Variants in UBE2E2 observed in about 807,000 individuals in gnomAD.
UBE2E2 encodes the protein ubiquitin conjugating enzyme E2 E2, also known as ubiquitin-conjugating enzyme E2 E2.
In UBE2E2, 6 loss-of-function variants were observed where a neutral mutation model predicts 24.7. The ratio of observed to expected loss-of-function variants is 0.24; its 90% CI spans 0.13 to 0.48. The LOEUF (loss-of-function observed/expected upper bound fraction) is 0.48. Ranked by LOEUF, UBE2E2 falls within the 20% of genes least tolerant of loss-of-function variation. The pLI is 0.99. For missense variants in UBE2E2, 169 were observed against 245.0 expected (o/e 0.69, Z 2.07); for synonymous variants, 104 against 83.6 (o/e 1.24, Z -1.33).
intron 3 of UBE2E2, among the ~76,000 whole-genome samples, chr3:23,436,946 G>A (rs910513577): frequency 6.6e-6 from 1 of 152,178 alleles, no homozygotes; most frequent in African/African-American, 2.4e-5. Context: ...AAAAATAATA[G>A]CTGGTTTCTG....
At chr3:23,231,769 G>C (rs1011925056) in intron 3 of UBE2E2, among the ~76,000 whole-genome samples, 2 of 152,150 alleles carry the variant, frequency 1.3e-5, no homozygotes, top group Non-Finnish European at 2.9e-5. Flanking sequence ...TGATTAACTA[G>C]AGTGCTCACA....
chr3:23,375,254 C>T (rs1696492747), intron 3 of UBE2E2, among the ~76,000 whole-genome samples: 1 of 152,088 alleles, frequency 6.6e-6, no homozygotes, highest in African/African-American at 2.4e-5. Flanking sequence ...TTATAATTGA[C>T]CCATGGGAAT....
At chr3:23,210,553 G>A (rs191559383) in intron 2 of UBE2E2, among the ~76,000 whole-genome samples, 11 of 152,296 alleles carry the variant, frequency 7.2e-5, no homozygotes. Flanking sequence ...TTTTACTACA[G>A]TATATAGAGA....
chr3:23,228,862 A>G (rs965320787), intron 3 of UBE2E2, among the ~76,000 whole-genome samples: 1 of 152,216 alleles, frequency 6.6e-6, no homozygotes, highest in African/African-American at 2.4e-5. Flanking sequence ...CACAGCAGGT[A>G]GACTCTCTCC....
chr3:23,297,008 G>C (rs1698929621), intron 3 of UBE2E2, among the ~76,000 whole-genome samples: 2 of 152,268 alleles, frequency 1.3e-5, no homozygotes, highest in South Asian at 4.1e-4. Context: ...ATTCTAACTG[G>C]TGTGAGATGG....
chr3:23,332,677 GTGTGTGTGTGTGTGTGT>G lies in UBE2E2; in HGVS notation c.227+115366_227+115382del, dbSNP rs1559350735. Among the ~76,000 whole-genome samples, 241 of 26,752 alleles carry G rather than the reference GTGTGTGTGTGTGTGTGT, an allele frequency of 9.0e-3. 1 individual carries two copies. Among genetic ancestry groups the G allele is most frequent in the African/African-American group, 0.014 (227 of 15,714 alleles). 17.6% of individuals were successfully genotyped at this position (26,752 alleles called of 152,430 possible). A position where few individuals can be genotyped will look rare whatever the true frequency, so the allele number is the denominator to read the frequency against. ...TGAGCTTCCTGGCAGCCAGTGGGGTGTGTGTGTGTGTGTGTGTGTGTGTGTGTGTGTGTGTGTGTGTG... is the reference window on the plus strand; with the variant it reads ...TGAGCTTCCTGGCAGCCAGTGGGGTGGTGTGTGTGTGTGTGTGTGTGTGTG... On this transcript the variant is annotated intron_variant, in intron 3 of 5. Transcript: ENST00000396703.
chr3:23,466,029 A>T (rs1240534702), intron 3 of UBE2E2, among the ~76,000 whole-genome samples: 11 of 152,154 alleles, frequency 7.2e-5, no homozygotes, highest in Non-Finnish European at 1.5e-4. Context: ...TTGTATTAGG[A>T]TGCCACCTAT....
intron 4 of UBE2E2, among the ~76,000 whole-genome samples, chr3:23,503,037 G>A (rs1225270573): frequency 6.6e-6 from 1 of 152,044 alleles, no homozygotes; most frequent in East Asian, 1.9e-4. Flanking sequence ...AAAGTGTAAT[G>A]AACTGCTAGT....
chr3:23,302,324 AC>A (rs1197406027), intron 3 of UBE2E2, among the ~76,000 whole-genome samples: 5 of 152,104 alleles, frequency 3.3e-5, no homozygotes, highest in African/African-American at 1.2e-4. Context: ...CATATTTCCC[AC>A]TGTGAAATAG....
chr3:23,490,053 A>C (rs1046028553), intron 3 of UBE2E2, among the ~76,000 whole-genome samples: 1 of 152,182 alleles, frequency 6.6e-6, no homozygotes, highest in Non-Finnish European at 1.5e-5. Context: ...CTTTCAGCTA[A>C]TTAAAGGATT....
chr3:23,529,966 C>T (rs1333528730), intron 4 of UBE2E2, among the ~76,000 whole-genome samples: 1 of 152,122 alleles, frequency 6.6e-6, no homozygotes, highest in Non-Finnish European at 1.5e-5. Flanking sequence ...AGCTGAGTCA[C>T]AAAATTTTGA....
intron 5 of UBE2E2, among the ~76,000 whole-genome samples, chr3:23,561,819 A>G (rs1240996544): frequency 6.6e-6 from 1 of 152,078 alleles, no homozygotes; most frequent in Non-Finnish European, 1.5e-5. Context: ...TAGGTATTTT[A>G]TTCTCTCTGA....
chr3:23,519,512 T>C (rs1281701874), intron 4 of UBE2E2, among the ~76,000 whole-genome samples: 1 of 152,236 alleles, frequency 6.6e-6, no homozygotes, highest in African/African-American at 2.4e-5. Context: ...CAATATTCAC[T>C]AGAATATTCT....
intron 5 of UBE2E2, among the ~76,000 whole-genome samples, chr3:23,567,012 G>C (rs1391785763): frequency 1.3e-5 from 2 of 152,118 alleles, no homozygotes; most frequent in African/African-American, 2.4e-5. Flanking sequence ...GACTGTGCCT[G>C]GTCTCTCACA....
intron 4 of UBE2E2, among the ~76,000 whole-genome samples, chr3:23,527,845 C>T (rs1000851208): frequency 1.3e-5 from 2 of 151,772 alleles, no homozygotes; most frequent in South Asian, 2.1e-4. Context: ...CCTTATGGCT[C>T]GTACCTTACC....
chr3:23,482,324 A>C (rs543888279), intron 3 of UBE2E2, among the ~76,000 whole-genome samples: 1 of 152,306 alleles, frequency 6.6e-6, no homozygotes, highest in South Asian at 2.1e-4. Flanking sequence ...GAGTTTATGA[A>C]TATACCAAAA....
intron 1 of UBE2E2, 96 bp downstream of exon 1, chr3:23,203,560 G>T: frequency 3.8e-6 from 3 of 780,572 alleles, no homozygotes; most frequent in Non-Finnish European, 4.6e-6. Context: ...CCGCGTCGCA[G>T]GTCTCTGCTT....
intron 3 of UBE2E2, among the ~76,000 whole-genome samples, chr3:23,417,614 C>T (rs868325652): frequency 4.6e-5 from 7 of 152,148 alleles, no homozygotes; most frequent in East Asian, 1.9e-4. Flanking sequence ...TCTGCAGAGC[C>T]GGCAGGCAGG....
At chr3:23,511,155 C>T (rs1694585287) in intron 4 of UBE2E2, among the ~76,000 whole-genome samples, 1 of 152,156 alleles carries the variant, frequency 6.6e-6, no homozygotes, top group Admixed American at 6.5e-5. Context: ...CAAGATAATA[C>T]TTTGTAGTAA....
Sources: allele counts gnomAD v4.1 joint callset (sites outside exome capture counted in the v4.1 genomes callset), GRCh38; gene constraint gnomAD v4.1.1; transcripts MANE v1.5; gene names NCBI Gene and HGNC (gene_info 2026-07-23, HGNC 2026-07-21).